Variants in EXOC2 observed in about 807,000 individuals in gnomAD.
EXOC2 encodes the protein SEC5-like 1.
In EXOC2, 70 loss-of-function variants were observed where a neutral mutation model predicts 131.8. The observed-to-expected ratio is 0.53, with a 90% CI of 0.44 to 0.65. The LOEUF (loss-of-function observed/expected upper bound fraction) is 0.65, where lower values mean the gene tolerates loss of function less well. Ranked by LOEUF, EXOC2 falls within the 30% of genes least tolerant of loss-of-function variation. The pLI is 0.00. For missense variants in EXOC2, 923 were observed against 1,108.6 expected (o/e 0.83, Z 2.38); for synonymous variants, 411 against 398.4 (o/e 1.03, Z -0.38).
At chr6:664,698 C>A (rs1022559693) in intron 1 of EXOC2, among the ~76,000 whole-genome samples, 1 of 152,196 alleles carries the variant, frequency 6.6e-6, no homozygotes, top group African/African-American at 2.4e-5. Flanking sequence ...AAAGGACACC[C>A]ATTTCAACAA....
chr6:672,280 T>C (rs1416302836), intron 1 of EXOC2, among the ~76,000 whole-genome samples: 1 of 152,226 alleles, frequency 6.6e-6, no homozygotes, highest in Non-Finnish European at 1.5e-5. Context: ...TTTTCATTCC[T>C]TCTTAAAGTT....
chr6:563,883 T>TTC, intron 16 of EXOC2, 150 bp downstream of exon 16: 1 of 1,150,148 alleles, frequency 8.7e-7, no homozygotes, highest in South Asian at 1.7e-5. Flanking sequence ...GAAAAAACAC[T>TTC]TATTGAGCAG....
At position 575,710 on chromosome 6, in the gene EXOC2, A is replaced by G. The variant is rs554088545; in HGVS notation, c.1318+1047T>C. Among the ~76,000 whole-genome samples the G allele has an allele frequency of 1.2e-4, 18 of 152,372 alleles. No individual in the cohort carries two copies. The South Asian group carries it at 3.7e-3, about 32-fold the overall frequency. On this transcript the variant is annotated intron_variant, in intron 12 of 27. Coordinates refer to ENST00000230449, the MANE Select transcript of EXOC2 (RefSeq NM_018303.6). ...CTCAGTGTTCCTTTATAGCAACACA[A>G]ACAGACTAACACAGCTTAATATGGC...
chr6:678,451 G>A (rs892928054), intron 1 of EXOC2, among the ~76,000 whole-genome samples: 3 of 152,210 alleles, frequency 2.0e-5, no homozygotes, highest in Non-Finnish European at 4.4e-5. Context: ...AAAACCAACT[G>A]TAAGTGAATT....
chr6:633,706 G>A (rs1315861995), intron 2 of EXOC2, among the ~76,000 whole-genome samples: 3 of 152,070 alleles, frequency 2.0e-5, no homozygotes, highest in Admixed American at 1.3e-4. Context: ...CTTTTACATC[G>A]GTGTGTCAGC....
chr6:690,563 C>T (rs1764875979), intron 1 of EXOC2, among the ~76,000 whole-genome samples: 1 of 151,970 alleles, frequency 6.6e-6, no homozygotes, highest in Non-Finnish European at 1.5e-5. Context: ...GTTAGTCGGG[C>T]GTGGTGACGG....
intron 11 of EXOC2, among the ~76,000 whole-genome samples, chr6:590,501 C>T (rs1256668112): frequency 2.6e-5 from 4 of 152,194 alleles, no homozygotes; most frequent in Non-Finnish European, 4.4e-5. Flanking sequence ...ACCAAGACTG[C>T]TCTCCTGTTA....
At chr6:592,172 G>C (rs1019563524) in intron 11 of EXOC2, among the ~76,000 whole-genome samples, 4 of 152,042 alleles carry the variant, frequency 2.6e-5, no homozygotes, top group Non-Finnish European at 5.9e-5. Context: ...TACACCTGAC[G>C]AGACGATGTG....
intron 23 of EXOC2, among the ~76,000 whole-genome samples, chr6:508,942 T>C (rs892923446): frequency 1.3e-5 from 2 of 152,248 alleles, no homozygotes; most frequent in Admixed American, 6.5e-5. Flanking sequence ...GCAGTTGGTG[T>C]TTTCAGTGTT....
chr6:575,100 C>T (rs541469655), intron 12 of EXOC2, among the ~76,000 whole-genome samples: 7 of 152,322 alleles, frequency 4.6e-5, no homozygotes, highest in Admixed American at 1.3e-4. Context: ...GCCATGGGGG[C>T]GGGCCCCTCG....
chr6:502,552 C>T (rs1157989348), intron 23 of EXOC2, among the ~76,000 whole-genome samples: 1 of 151,984 alleles, frequency 6.6e-6, no homozygotes, highest in African/African-American at 2.4e-5. Context: ...TAATAAGACA[C>T]CCCGTAAAAG....
At chr6:532,367 A>G (rs1766141109) in intron 23 of EXOC2, 102 bp downstream of exon 23, 1 of 1,212,404 alleles carries the variant, frequency 8.2e-7, no homozygotes, top group African/African-American at 1.6e-5. Flanking sequence ...TCTCACTCTC[A>G]GTAGATATGA....
chr6:554,765 A>G (rs1277669890), intron 20 of EXOC2, among the ~76,000 whole-genome samples: 9 of 152,186 alleles, frequency 5.9e-5, no homozygotes, highest in African/African-American at 2.2e-4. Flanking sequence ...TGTCCTATAC[A>G]ACAGCATTAT....
intron 1 of EXOC2, among the ~76,000 whole-genome samples, chr6:665,088 G>GA (rs1357406574): frequency 2.0e-5 from 3 of 151,494 alleles, no homozygotes; most frequent in Admixed American, 6.6e-5. Flanking sequence ...AAATCTGTAA[G>GA]AAAAAAAACA....
chr6:600,797 T>G (rs1190887281), intron 7 of EXOC2, among the ~76,000 whole-genome samples: 1 of 152,198 alleles, frequency 6.6e-6, no homozygotes, highest in Non-Finnish European at 1.5e-5. Context: ...AAATTATGTT[T>G]ATTTATGCCA....
intron 13 of EXOC2, among the ~76,000 whole-genome samples, chr6:568,952 T>C (rs992181083): frequency 1.3e-5 from 2 of 152,176 alleles, no homozygotes; most frequent in African/African-American, 4.8e-5. Context: ...TCCAAACACA[T>C]GAAAAGTAGA....
chr6:594,161 A>C (rs1759690841), intron 10 of EXOC2, among the ~76,000 whole-genome samples: 1 of 152,246 alleles, frequency 6.6e-6, no homozygotes, highest in African/African-American at 2.4e-5. Flanking sequence ...CCTCCTCATA[A>C]ATGAGAATAG....
chr6:597,546 T>C (rs1759888103), intron 10 of EXOC2, among the ~76,000 whole-genome samples: 1 of 152,166 alleles, frequency 6.6e-6, no homozygotes. Context: ...CACTGACCAC[T>C]AAAGGCTTGG....
At chr6:587,261 T>C (rs1048129478) in intron 11 of EXOC2, among the ~76,000 whole-genome samples, 1 of 152,082 alleles carries the variant, frequency 6.6e-6, no homozygotes, top group African/African-American at 2.4e-5. Context: ...TTTTTTTTTT[T>C]TGAGACGGAG....
Sources: allele counts gnomAD v4.1 joint callset (sites outside exome capture counted in the v4.1 genomes callset), GRCh38; gene constraint gnomAD v4.1.1; transcripts MANE v1.5; gene names NCBI Gene and HGNC (gene_info 2026-07-23, HGNC 2026-07-21).